GPBP1L1: variants seen among roughly 807,000 people sequenced by gnomAD.
The protein encoded by GPBP1L1 is vasculin-like protein 1.
Under a neutral mutation model 52.5 loss-of-function variants are expected in GPBP1L1, and 23 were observed. That is an observed-to-expected ratio of 0.44 (90% confidence interval 0.32 to 0.62). The LOEUF is 0.62. Among genes scored for constraint, GPBP1L1 ranks in the 20% least tolerant of loss-of-function variants. The pLI is 0.06. For missense variants in GPBP1L1, 596 were observed against 579.3 expected, an observed-to-expected ratio of 1.03 and a Z score of -0.30; for synonymous variants, 243 against 203.1, an observed-to-expected ratio of 1.20 and a Z score of -1.67.
chr1:45,636,508 C>G (rs1644596498), intron 8 of GPBP1L1, among the ~76,000 whole-genome samples: 1 of 152,200 alleles, frequency 6.6e-6, no homozygotes, highest in Admixed American at 6.5e-5. Flanking sequence ...TTCACTTTCA[C>G]ATACCAGCCA....
At chr1:45,672,176 C>G (rs1645081387) in intron 2 of GPBP1L1, among the ~76,000 whole-genome samples, 1 of 152,096 alleles carries the variant, frequency 6.6e-6, no homozygotes, top group African/African-American at 2.4e-5. Flanking sequence ...GCCTGGCCAA[C>G]ACTATGAAAC....
intron 10 of GPBP1L1, among the ~76,000 whole-genome samples, chr1:45,631,882 C>T (rs116467494): frequency 3.9e-5 from 6 of 152,198 alleles, no homozygotes; most frequent in African/African-American, 7.2e-5. Context: ...ATCATTAATG[C>T]CACTGCATTC....
At chr1:45,674,316 T>C (rs1645113275) in intron 2 of GPBP1L1, among the ~76,000 whole-genome samples, 1 of 152,194 alleles carries the variant, frequency 6.6e-6, no homozygotes, top group South Asian at 2.1e-4. Flanking sequence ...TATCACAATT[T>C]CATTAAAGAC....
chr1:45,639,431 C>A (rs370966593), intron 8 of GPBP1L1, among the ~76,000 whole-genome samples: 1 of 151,984 alleles, frequency 6.6e-6, no homozygotes, highest in East Asian at 1.9e-4. Context: ...GTTGCTATTA[C>A]AGAAAACCAG....
chr1:45,670,495 T>C (rs1328301536), intron 2 of GPBP1L1, among the ~76,000 whole-genome samples: 3 of 152,240 alleles, frequency 2.0e-5, no homozygotes, highest in Non-Finnish European at 4.4e-5. Context: ...TTTCTGTGTC[T>C]TGTTTGTAAC....
At chr1:45,628,557 T>G (rs1644487615) in intron 12 of GPBP1L1, 149 bp from the exon 13 acceptor site, 1 of 580,512 alleles carries the variant, frequency 1.7e-6, no homozygotes, top group African/African-American at 1.9e-5. Flanking sequence ...AGATCTCTTA[T>G]ACCAGTACTT....
chr1:45,684,054 T>C (rs1645247343), intron 2 of GPBP1L1, among the ~76,000 whole-genome samples: 1 of 151,680 alleles, frequency 6.6e-6, no homozygotes, highest in African/African-American at 2.4e-5. Context: ...GGTCAGGAGT[T>C]CAAGACCAGC....
intron 6 of GPBP1L1, among the ~76,000 whole-genome samples, chr1:45,649,259 A>C (rs1189853499): frequency 6.6e-6 from 1 of 152,240 alleles, no homozygotes; most frequent in Admixed American, 6.5e-5. Flanking sequence ...TTAAAAGGAT[A>C]TCTTTTACAT....
chr1:45,638,136 T>G (rs1325139257), intron 8 of GPBP1L1, among the ~76,000 whole-genome samples: 2 of 152,256 alleles, frequency 1.3e-5, no homozygotes, highest in South Asian at 4.1e-4. Context: ...AAGATAACTG[T>G]ACTTGTCAAT....
chr1:45,687,465 C>A (rs547171052), upstream of GPBP1L1: 1 of 152,468 alleles, frequency 6.6e-6, no homozygotes, highest in Admixed American at 6.5e-5. Flanking sequence ...ATTGGAGGGA[C>A]TGGCCGGCGT....
At chr1:45,676,057 CCCT>C (rs985114856) in intron 2 of GPBP1L1, among the ~76,000 whole-genome samples, 8 of 152,188 alleles carry the variant, frequency 5.3e-5, no homozygotes, top group Non-Finnish European at 1.0e-4. Context: ...TACATAGTTT[CCCT>C]CCTAAGTCCT....
At chr1:45,672,464 A>G (rs955011967) in intron 2 of GPBP1L1, among the ~76,000 whole-genome samples, 2 of 152,238 alleles carry the variant, frequency 1.3e-5, no homozygotes, top group African/African-American at 4.8e-5. Context: ...CAACCTTGCT[A>G]AACTCTCATT....
rs1209061640 is a variant in GPBP1L1 at position 45,660,845 on chromosome 1, A to C, written c.-717T>G. 2 of 152,278 alleles carry C rather than the reference A, an allele frequency of 1.3e-5. No individual in the cohort carries two copies. Among genetic ancestry groups the C allele is most frequent in the African/African-American group, 4.8e-5 (2 of 41,468 alleles). The allele number at this position is 152,278 out of a possible 1,614,324, so 9.4% of individuals were successfully genotyped here. A position where few individuals can be genotyped will look rare whatever the true frequency, so the allele number is the denominator to read the frequency against. On this transcript the variant is annotated 5_prime_UTR_variant, in exon 3 of 13. Coordinates refer to ENST00000355105, the MANE Select transcript of GPBP1L1 (RefSeq NM_021639.5). ...TGTCTTTGTTAAAAAAAAATAAAAA[A>C]TAAAAATAGACAGGAATTTGCTACA...
In GPBP1L1 at chr1:45,660,402, G is replaced by C; in HGVS notation, c.-274C>G. ...CCTGACACGTTTCCAAAAGGGGAAA[G>C]GGGAAAAGGGGAAGGGGGGAAGGGG... On this transcript the variant is annotated 5_prime_UTR_variant, in exon 3 of 13. Coordinates refer to ENST00000355105, the MANE Select transcript of GPBP1L1 (RefSeq NM_021639.5). 1.0e-6 allele frequency: 1 copy of C among 983,570 alleles called. No individual in the cohort carries two copies. The highest frequency in any genetic ancestry group is 1.2e-6 in the Non-Finnish European group (1 of 828,330). The allele number at this position is 983,570 out of a possible 1,614,324, so 60.9% of individuals were successfully genotyped here.
At chr1:45,685,748 G>C (rs1645272942) in intron 1 of GPBP1L1, 128 bp from the exon 2 acceptor site, 1 of 152,204 alleles carries the variant, frequency 6.6e-6, no homozygotes, top group Admixed American at 6.5e-5. Context: ...AGCCATTTTG[G>C]ATTCAGACTG....
Position 45,660,440 on chromosome 1 carries a change from ATT to A in GPBP1L1, c.-314_-313del, listed in dbSNP as rs1299532977. 4.1e-6 allele frequency: 4 copies of A among 980,042 alleles called. No individual in the cohort carries two copies. In the African/African-American group the frequency reaches 7.1e-5, roughly 17 times the overall value. 60.7% of individuals were successfully genotyped at this position (980,042 alleles called of 1,614,324 possible). A position where few individuals can be genotyped will look rare whatever the true frequency, so the allele number is the denominator to read the frequency against. On this transcript the variant is annotated 5_prime_UTR_variant, in exon 3 of 13. Coordinates refer to ENST00000355105, the MANE Select transcript of GPBP1L1 (RefSeq NM_021639.5). The stretch of plus-strand genomic sequence containing the variant: ...AGGGGGGAAGGGGAACATAAAAAGT[ATT>A]TGTTACATTTAAAAAGGGGGGGAAG...
At chr1:45,659,976 C>T (rs868532018) in intron 3 of GPBP1L1, among the ~76,000 whole-genome samples, 28 of 152,100 alleles carry the variant, frequency 1.8e-4, no homozygotes, top group African/African-American at 5.8e-4. Context: ...TAGAGAAGGA[C>T]GATACAACCT....
At chr1:45,680,023 T>C (rs1645193706) in intron 2 of GPBP1L1, among the ~76,000 whole-genome samples, 1 of 151,704 alleles carries the variant, frequency 6.6e-6, no homozygotes, top group Admixed American at 6.6e-5. Flanking sequence ...AAAGCTGCAG[T>C]GAGCTATGAA....
At chr1:45,658,648 G>C (rs1164537609) in intron 4 of GPBP1L1, 1 of 213,690 alleles carries the variant, frequency 4.7e-6, no homozygotes, top group Non-Finnish European at 9.2e-6. Flanking sequence ...ATCAAGACTG[G>C]GCTGAGTGCA....
Sources: allele counts gnomAD v4.1 joint callset (sites outside exome capture counted in the v4.1 genomes callset), GRCh38; gene constraint gnomAD v4.1.1; transcripts MANE v1.5; gene names NCBI Gene and HGNC (gene_info 2026-07-23, HGNC 2026-07-21).